ELOC: variants seen among roughly 807,000 people sequenced by gnomAD.
ELOC encodes the protein elongin-C.
For synonymous variants in ELOC, 40 were observed against 51.3 expected (o/e 0.78, Z 0.94); for missense variants, 38 against 139.0 (o/e 0.27, Z 3.65).
intron 1 of ELOC, among the ~76,000 whole-genome samples, chr8:73,966,113 T>C (rs1814952089): frequency 6.6e-6 from 1 of 152,140 alleles, no homozygotes; most frequent in South Asian, 2.1e-4. Context: ...ATTCATTCAA[T>C]AAATATTTAC....
intron 3 of ELOC, among the ~76,000 whole-genome samples, chr8:73,953,536 G>A (rs561090218): frequency 7.3e-5 from 11 of 150,614 alleles, no homozygotes; most frequent in African/African-American, 1.2e-4. Flanking sequence ...TTAGCTGGGC[G>A]TGGGGGCGCA....
At chr8:73,955,625 A>G (rs1814121582) in intron 3 of ELOC, 3 of 282,828 alleles carry the variant, frequency 1.1e-5, no homozygotes, top group Non-Finnish European at 2.0e-5. Flanking sequence ...AAAAAAAATT[A>G]GCCAGGGGTG....
chr8:73,971,032 CAAAAA>C lies in ELOC; in HGVS notation c.-51+1040_-51+1044del, dbSNP rs67188912. Among the ~76,000 whole-genome samples the C allele has an allele frequency of 6.4e-4, 40 of 62,034 alleles. 1 individual carries two copies. The South Asian group carries it at 0.013, about 20-fold the overall frequency. 40.7% of individuals were successfully genotyped at this position (62,034 alleles called of 152,430 possible). A position where few individuals can be genotyped will look rare whatever the true frequency, so the allele number is the denominator to read the frequency against. On this transcript the variant is annotated intron_variant, in intron 1 of 3. Coordinates refer to ENST00000520242, the MANE Select transcript of ELOC (RefSeq NM_005648.4). Reference sequence around the variant, plus strand: ...CTCAGGACAGAGCGAGACTCCGTCTCAAAAAAAAAAAAAAAAAAAGAAAAAGAAAA... The same window carrying C: ...CTCAGGACAGAGCGAGACTCCGTCTCAAAAAAAAAAAAAAGAAAAAGAAAA...
intron 1 of ELOC, among the ~76,000 whole-genome samples, chr8:73,969,115 C>T (rs562674759): frequency 3.4e-4 from 52 of 152,250 alleles, no homozygotes; most frequent in African/African-American, 9.4e-4. Context: ...GAGTGCCAGT[C>T]GTGAATATCC....
intron 1 of ELOC, among the ~76,000 whole-genome samples, chr8:73,969,133 C>T (rs1375211463): frequency 1.3e-5 from 2 of 152,182 alleles, no homozygotes; most frequent in Non-Finnish European, 2.9e-5. Context: ...TCCAACTTTT[C>T]TACTGCACAT....
At chr8:73,956,752 T>C (rs1563677965) in intron 2 of ELOC, among the ~76,000 whole-genome samples, 1 of 152,376 alleles carries the variant, frequency 6.6e-6, no homozygotes, top group Non-Finnish European at 1.5e-5. Flanking sequence ...AATCAGTGTT[T>C]ATATGCCATG....
At chr8:73,959,935 C>T (rs572905825) in intron 1 of ELOC, 117 bp from the exon 2 acceptor site, 26 of 452,712 alleles carry the variant, frequency 5.7e-5, no homozygotes, top group East Asian at 3.6e-4. Context: ...GGTTACATTA[C>T]GAGCTCACCA....
intron 1 of ELOC, among the ~76,000 whole-genome samples, chr8:73,967,052 G>A (rs1482709205): frequency 6.6e-6 from 1 of 152,116 alleles, no homozygotes; most frequent in Non-Finnish European, 1.5e-5. Flanking sequence ...CTGTTCTGAA[G>A]AATAAATGGC....
In ELOC at chr8:73,946,551, T is replaced by G; in HGVS notation, c.*79A>C. The G allele has an allele frequency of 8.9e-7, 1 of 1,122,220 alleles. No homozygotes were observed. Among genetic ancestry groups the G allele is most frequent in the Non-Finnish European group, 1.2e-6 (1 of 803,084 alleles). 69.5% of individuals were successfully genotyped at this position (1,122,220 alleles called of 1,614,324 possible). On this transcript the variant is annotated 3_prime_UTR_variant, in exon 4 of 4. Coordinates refer to ENST00000520242, the MANE Select transcript of ELOC (RefSeq NM_005648.4). ...GTTCAACTGCATACAGGCAACATGC[T>G]ATATATGAAAAAGTTACTAACTGAA...
chr8:73,950,953 G>T (rs576709455), intron 3 of ELOC, among the ~76,000 whole-genome samples: 2 of 152,322 alleles, frequency 1.3e-5, no homozygotes, highest in South Asian at 2.1e-4. Flanking sequence ...CTCCAAAAAA[G>T]TAGGGATAAT....
chr8:73,958,111 T>A (rs1255455686), intron 2 of ELOC, among the ~76,000 whole-genome samples: 29 of 143,354 alleles, frequency 2.0e-4, no homozygotes, highest in Non-Finnish European at 4.3e-4. Flanking sequence ...TTTTTTTTTT[T>A]AAGAGACAGG....
intron 1 of ELOC, among the ~76,000 whole-genome samples, chr8:73,969,874 T>C (rs904363775): frequency 4.6e-5 from 7 of 152,254 alleles, no homozygotes; most frequent in Non-Finnish European, 1.0e-4. Flanking sequence ...TGTACTATTA[T>C]TTTCCTAATC....
At chr8:73,968,053 T>C (rs929863334) in intron 1 of ELOC, among the ~76,000 whole-genome samples, 1 of 152,202 alleles carries the variant, frequency 6.6e-6, no homozygotes, top group Non-Finnish European at 1.5e-5. Context: ...TCCACAGCTT[T>C]CATCTCTTAT....
chr8:73,968,689 T>A (rs1391527966), intron 1 of ELOC, among the ~76,000 whole-genome samples: 4 of 152,210 alleles, frequency 2.6e-5, no homozygotes, highest in Non-Finnish European at 5.9e-5. Flanking sequence ...AAGGTCAACC[T>A]TTCCACTTAA....
At chr8:73,948,525 A>G (rs1232287599) in intron 3 of ELOC, among the ~76,000 whole-genome samples, 1 of 152,200 alleles carries the variant, frequency 6.6e-6, no homozygotes, top group Non-Finnish European at 1.5e-5. Context: ...AGCTGATATC[A>G]TACCACTGCA....
intron 1 of ELOC, 100 bp downstream of exon 1, chr8:73,971,977 G>A (rs1360259048): frequency 2.0e-5 from 3 of 152,370 alleles, no homozygotes; most frequent in Non-Finnish European, 2.9e-5. Context: ...CGCCTAGAAG[G>A]GAAGGGGTGG....
chr8:73,963,859 G>A (rs1366016023), intron 1 of ELOC, among the ~76,000 whole-genome samples: 11 of 152,096 alleles, frequency 7.2e-5, no homozygotes, highest in Non-Finnish European at 1.5e-4. Flanking sequence ...TTGGGAGGCC[G>A]AAGGGGGTGG....
chr8:73,959,799 C>A lies in ELOC; in HGVS notation c.-31G>T. The A allele has an allele frequency of 1.3e-6, 2 of 1,540,112 alleles. No homozygotes were observed. The highest frequency in any genetic ancestry group is 2.0e-5 in the Admixed American group (1 of 49,592). ...TCTTATGAAATTCTACTTTGCTTCC[C>A]CAGGAACTTTAGTAGTTTCCTGAAA... On this transcript the variant is annotated 5_prime_UTR_variant, in exon 2 of 4. Transcript: ENST00000520242.
intron 3 of ELOC, among the ~76,000 whole-genome samples, chr8:73,947,262 C>T (rs1813437932): frequency 6.6e-6 from 1 of 152,104 alleles, no homozygotes; most frequent in Non-Finnish European, 1.5e-5. Flanking sequence ...GCTGGGATTA[C>T]AGGCATGAGC....
Sources: allele counts gnomAD v4.1 joint callset (sites outside exome capture counted in the v4.1 genomes callset), GRCh38; gene constraint gnomAD v4.1.1; transcripts MANE v1.5; gene names NCBI Gene and HGNC (gene_info 2026-07-23, HGNC 2026-07-21).